MACROD2: variants seen among roughly 807,000 people sequenced by gnomAD.
MACROD2 encodes the protein mono-ADP ribosylhydrolase 2, also known as ADP-ribose glycohydrolase MACROD2.
Under a neutral mutation model 70.4 loss-of-function variants are expected in MACROD2, and 36 were observed. The observed-to-expected ratio is 0.51, with a 90% CI of 0.39 to 0.68. The LOEUF (loss-of-function observed/expected upper bound fraction) is 0.68, where lower values mean the gene tolerates loss of function less well. Among genes scored for constraint, MACROD2 ranks in the 30% least tolerant of loss-of-function variants. The pLI, the probability that MACROD2 is intolerant of heterozygous loss-of-function variation, is 0.00. For synonymous variants in MACROD2, 172 were observed against 178.8 expected, an observed-to-expected ratio of 0.96 and a Z score of 0.30; for missense variants, 496 against 538.4, an observed-to-expected ratio of 0.92 and a Z score of 0.78.
At chr20:14,946,055 C>G (rs1031554395) in intron 5 of MACROD2, among the ~76,000 whole-genome samples, 1 of 152,050 alleles carries the variant, frequency 6.6e-6, no homozygotes, top group East Asian at 1.9e-4. Context: ...TAAAATTAGC[C>G]GGGCATATTG....
At chr20:14,515,113 A>G (rs2085076763) in intron 4 of MACROD2, among the ~76,000 whole-genome samples, 1 of 152,120 alleles carries the variant, frequency 6.6e-6, no homozygotes, top group East Asian at 1.9e-4. Flanking sequence ...CTTAAACTGA[A>G]AATTCTACAA....
intron 3 of MACROD2, among the ~76,000 whole-genome samples, chr20:14,195,476 C>T (rs1298003857): frequency 6.6e-6 from 1 of 152,004 alleles, no homozygotes; most frequent in Non-Finnish European, 1.5e-5. Context: ...AGGCCTGTGC[C>T]CACAGGTCTA....
chr20:14,820,847 T>A (rs953771692), intron 5 of MACROD2, among the ~76,000 whole-genome samples: 8 of 152,090 alleles, frequency 5.3e-5, no homozygotes, highest in Non-Finnish European at 1.0e-4. Context: ...CGTGACTCTC[T>A]GTATAGCATT....
intron 5 of MACROD2, among the ~76,000 whole-genome samples, chr20:14,823,876 T>G (rs956147609): frequency 6.6e-6 from 1 of 152,140 alleles, no homozygotes; most frequent in African/African-American, 2.4e-5. Flanking sequence ...TGTTTTCAGA[T>G]TATGATATTG....
chr20:14,531,278 G>A lies in MACROD2; in HGVS notation c.301+37770G>A, dbSNP rs116805923. On this transcript the variant is annotated intron_variant, in intron 4 of 17. Coordinates refer to ENST00000684519, the MANE Select transcript of MACROD2 (RefSeq NM_001351661.2). Reference sequence around the variant, plus strand: ...AAGGATCTCAAGAGGAAATAATCCTGGATTCAGGGTGGGCTTAAAGTCAGA... The same window carrying A: ...AAGGATCTCAAGAGGAAATAATCCTAGATTCAGGGTGGGCTTAAAGTCAGA... Among the ~76,000 whole-genome samples, 273 of 152,226 alleles carry A rather than the reference G, an allele frequency of 1.8e-3. 1 individual carries two copies. The highest frequency in any genetic ancestry group is 6.3e-3 in the African/African-American group (263 of 41,522).
chr20:15,476,233 C>T (rs2047020629), intron 7 of MACROD2, among the ~76,000 whole-genome samples: 1 of 152,184 alleles, frequency 6.6e-6, no homozygotes, highest in South Asian at 2.1e-4. Flanking sequence ...AAATATGATA[C>T]AATGCCTTAT....
chr20:14,449,223 A>G (rs1400483394), intron 3 of MACROD2, among the ~76,000 whole-genome samples: 11 of 152,254 alleles, frequency 7.2e-5, no homozygotes, highest in Non-Finnish European at 1.3e-4. Flanking sequence ...CTGCATCACA[A>G]TTGAAAAAGT....
intron 2 of MACROD2, among the ~76,000 whole-genome samples, chr20:14,046,245 A>G (rs1191272766): frequency 2.0e-5 from 3 of 152,226 alleles, no homozygotes; most frequent in East Asian, 1.9e-4. Context: ...GCAGACCTCT[A>G]AACTATAACA....
chr20:14,511,156 G>A (rs1442782676), intron 4 of MACROD2, among the ~76,000 whole-genome samples: 1 of 152,122 alleles, frequency 6.6e-6, no homozygotes, highest in African/African-American at 2.4e-5. Flanking sequence ...TATCAAGGAA[G>A]TCTGGATAGT....
At chr20:14,348,375 T>C (rs1236646343) in intron 3 of MACROD2, among the ~76,000 whole-genome samples, 1 of 152,030 alleles carries the variant, frequency 6.6e-6, no homozygotes, top group African/African-American at 2.4e-5. Context: ...TTCATGGTAA[T>C]TTGTATCAGA....
rs535011197 is a variant in MACROD2 at position 14,533,140 on chromosome 20, G to A, written c.301+39632G>A. ...GGGCTCAGTCTACCTAAAGCCTGGAGGATAAGGAAATTCTGTCTACTTTAA... is the reference window on the plus strand; with the variant it reads ...GGGCTCAGTCTACCTAAAGCCTGGAAGATAAGGAAATTCTGTCTACTTTAA... On this transcript the variant is annotated intron_variant, in intron 4 of 17. Transcript: ENST00000684519. Among the ~76,000 whole-genome samples the A allele has an allele frequency of 9.2e-5, 14 of 152,318 alleles. No individual in the cohort carries two copies. In the East Asian group the frequency reaches 2.7e-3, roughly 29 times the overall value.
At chr20:15,156,139 C>T (rs1271086518) in intron 5 of MACROD2, among the ~76,000 whole-genome samples, 1 of 152,138 alleles carries the variant, frequency 6.6e-6, no homozygotes, top group African/African-American at 2.4e-5. Context: ...TTTTTCCTCA[C>T]CTTCTTTTTG....
rs181779835 is a variant in MACROD2 at position 14,528,400 on chromosome 20, C to T, written c.301+34892C>T. On this transcript the variant is annotated intron_variant, in intron 4 of 17. Transcript: ENST00000684519. ...AACTCCAGACCTCTGGTGATCCACCCGCCTCGGCCTCCCAAAGTGCTGGGA... is the reference window on the plus strand; with the variant it reads ...AACTCCAGACCTCTGGTGATCCACCTGCCTCGGCCTCCCAAAGTGCTGGGA... 4.1e-3 allele frequency among the ~76,000 whole-genome samples: 620 copies of T among 151,598 alleles called. 1 individual carries two copies. The highest frequency in any genetic ancestry group is 0.014 in the African/African-American group (573 of 41,310).
At chr20:14,620,353 C>T (rs577987401) in intron 4 of MACROD2, among the ~76,000 whole-genome samples, 119 of 151,862 alleles carry the variant, frequency 7.8e-4, no homozygotes, top group Admixed American at 1.3e-3. Context: ...AAGATGGATG[C>T]GTACTATGAG....
chr20:15,437,512 T>C (rs927921), intron 7 of MACROD2, among the ~76,000 whole-genome samples: 29,226 of 152,106 alleles, frequency 0.19, 3,049 homozygotes, highest in Non-Finnish European at 0.25. Flanking sequence ...TTAAAAAGTT[T>C]TATTTTAGGT....
intron 6 of MACROD2, among the ~76,000 whole-genome samples, chr20:15,395,669 A>G (rs893657476): frequency 5.3e-5 from 8 of 152,138 alleles, no homozygotes; most frequent in African/African-American, 1.7e-4. Context: ...CCGACCCCCA[A>G]ATTAACATAT....
chr20:15,925,086 G>A (rs1479274016), intron 10 of MACROD2, among the ~76,000 whole-genome samples: 3 of 152,134 alleles, frequency 2.0e-5, no homozygotes, highest in Non-Finnish European at 2.9e-5. Flanking sequence ...GTTATAGAGT[G>A]GACACCAGGT....
intron 2 of MACROD2, among the ~76,000 whole-genome samples, chr20:14,074,507 T>C (rs1036699250): frequency 1.3e-5 from 2 of 152,216 alleles, no homozygotes; most frequent in African/African-American, 4.8e-5. Flanking sequence ...ATATTCATAC[T>C]TAAGATTCTG....
rs1379037273 is a variant in MACROD2 at position 15,163,164 on chromosome 20, G to T, written c.419-66776G>T. 2.6e-5 allele frequency among the ~76,000 whole-genome samples: 4 copies of T among 151,636 alleles called. No homozygotes were observed. The South Asian group carries it at 8.3e-4, about 32-fold the overall frequency. The stretch of plus-strand genomic sequence containing the variant: ...GTCAGGGATAATCAGTGAATCCAAA[G>T]AAAAGACATAAGACTGGAAAAAAGA... On this transcript the variant is annotated intron_variant, in intron 5 of 17. Coordinates refer to ENST00000684519, the MANE Select transcript of MACROD2 (RefSeq NM_001351661.2).
Sources: allele counts gnomAD v4.1 joint callset (sites outside exome capture counted in the v4.1 genomes callset), GRCh38; gene constraint gnomAD v4.1.1; transcripts MANE v1.5; gene names NCBI Gene and HGNC (gene_info 2026-07-23, HGNC 2026-07-21).